The following OASL variants were observed in gnomAD, a reference collection of about 807,000 sequenced individuals.
The protein encoded by OASL is 2'-5'-oligoadenylate synthase-like protein.
Under a neutral mutation model 35.3 loss-of-function variants are expected in OASL, and 28 were observed. The observed-to-expected ratio is 0.79, with a 90% CI of 0.59 to 1.09. The LOEUF is 1.09. Among genes scored for constraint, OASL ranks in the 50% least tolerant of loss-of-function variants. The pLI is 0.00. For missense variants in OASL, 620 were observed against 635.2 expected (o/e 0.98, Z 0.26); for synonymous variants, 252 against 254.6 (o/e 0.99, Z 0.10).
rs746425778 is a variant in OASL at position 121,020,735 on chromosome 12, C to T, written c.1371G>A (p.Leu457=). ...GGTCTTCAATCTGCTGCTTCAGACC[C>T]AGGATGAAGCTGTTGGGGTTGATGG... The change falls in exon 6 of 6, where the codon CTG becomes CTA. Residue 457 remains leucine, a synonymous_variant. Transcript: ENST00000257570. The T allele has an allele frequency of 2.3e-5, 37 of 1,614,042 alleles. 1 individual carries two copies. The South Asian group carries it at 4.1e-4, about 18-fold the overall frequency.
At chr12:121,023,934 A>G in intron 5 of OASL, 56 bp downstream of exon 5, 1 of 1,595,660 alleles carries the variant, frequency 6.3e-7, no homozygotes. Flanking sequence ...AATACTGAGT[A>G]GTTTATCTGT....
intron 1 of OASL, among the ~76,000 whole-genome samples, chr12:121,034,063 G>A (rs780886749): frequency 7.2e-5 from 11 of 152,136 alleles, no homozygotes; most frequent in Non-Finnish European, 1.5e-4. Flanking sequence ...CTACTGGGAG[G>A]ATCAGATGAA....
intron 4 of OASL, among the ~76,000 whole-genome samples, chr12:121,025,013 C>T (rs922760636): frequency 1.7e-5 from 2 of 116,060 alleles, no homozygotes; most frequent in Non-Finnish European, 3.2e-5. Context: ...GAGTCTCGCT[C>T]TGTCGCCCAG....
intron 4 of OASL, among the ~76,000 whole-genome samples, chr12:121,024,970 C>T (rs1234522659): frequency 1.1e-4 from 13 of 115,050 alleles, no homozygotes; most frequent in Non-Finnish European, 1.8e-4. Flanking sequence ...TCCCTAAGTT[C>T]CTTTTTTTTT....
rs998650928 is a variant in OASL at position 121,024,157 on chromosome 12, T to G, written c.900-20A>C. 6.2e-7 allele frequency: 1 copy of G among 1,610,832 alleles called. No individual in the cohort carries two copies. The highest frequency in any genetic ancestry group is 1.3e-5 in the African/African-American group (1 of 74,860). On this transcript the variant is annotated intron_variant, in intron 4 of 5. Transcript: ENST00000257570. ...ATGGGCCTGTAACACAGGAAAAGGGTGCCCAGGCTCATAATGGTTTGAAGG... is the reference window on the plus strand; with the variant it reads ...ATGGGCCTGTAACACAGGAAAAGGGGGCCCAGGCTCATAATGGTTTGAAGG...
chr12:121,018,890 A>G (rs903750894), downstream of OASL, among the ~76,000 whole-genome samples: 4 of 150,932 alleles, frequency 2.7e-5, no homozygotes, highest in Non-Finnish European at 5.9e-5. Context: ...AAAAAAAAAA[A>G]AAGAAGCGAT....
At chr12:121,023,305 T>TTTA (rs1869327342) in intron 5 of OASL, among the ~76,000 whole-genome samples, 2 of 149,612 alleles carry the variant, frequency 1.3e-5, no homozygotes, top group African/African-American at 2.4e-5. Flanking sequence ...CTTTTTTTTT[T>TTTA]GAGGCAGAGT....
intron 4 of OASL, 30 bp from the exon 5 acceptor site, chr12:121,024,167 C>T: frequency 6.2e-7 from 1 of 1,607,548 alleles, no homozygotes; most frequent in South Asian, 1.1e-5. Context: ...TGCCCAGGCT[C>T]ATAATGGTTT....
In OASL at chr12:121,025,111, G is replaced by T. The variant is rs545340966; in HGVS notation, c.900-974C>A. 1.4e-4 allele frequency among the ~76,000 whole-genome samples: 21 copies of T among 151,510 alleles called. No homozygotes were observed. In the East Asian group the frequency reaches 3.9e-3, roughly 28 times the overall value. The stretch of plus-strand genomic sequence containing the variant: ...CTCTGCCTCGGCCTCCTGAGTAGCT[G>T]GGATTACAGGTACCCGCCACCACGC... On this transcript the variant is annotated intron_variant, in intron 4 of 5. Transcript: ENST00000257570.
intron 3 of OASL, among the ~76,000 whole-genome samples, chr12:121,029,303 A>G (rs981103687): frequency 2.0e-5 from 3 of 152,252 alleles, no homozygotes; most frequent in East Asian, 1.9e-4. Context: ...TCATCTCCCA[A>G]ATAAATGAAA....
At chr12:121,028,635 C>A (rs927092948) in intron 3 of OASL, among the ~76,000 whole-genome samples, 6 of 144,174 alleles carry the variant, frequency 4.2e-5, no homozygotes, top group Non-Finnish European at 6.1e-5. Flanking sequence ...CGCCCGCCCC[C>A]CCTACTGTTT....
chr12:121,020,566 T>C (rs1466345930), exon 6 of OASL: 1 of 1,598,686 alleles, frequency 6.3e-7, no homozygotes, highest in South Asian at 1.1e-5. Context: ...GAAAACTAAC[T>C]GGCTGGAAAC....
intron 4 of OASL, among the ~76,000 whole-genome samples, chr12:121,026,550 T>C (rs748827216): frequency 1.2e-4 from 19 of 152,058 alleles, no homozygotes; most frequent in Non-Finnish European, 2.8e-4. Context: ...AGGCGATCTT[T>C]AGGAAAGAGT....
rs181514183 is a variant in OASL, at chr12:121,028,787, G to A, written c.658-970C>T. Among the ~76,000 whole-genome samples the A allele has an allele frequency of 3.9e-3, 591 of 152,212 alleles. 4 individuals carry two copies. The highest frequency in any genetic ancestry group is 0.016 in the South Asian group (75 of 4,824). On this transcript the variant is annotated intron_variant, in intron 3 of 5. Transcript: ENST00000257570. ...CTGTGTTAAGAATCTCACTGAGGCC[G>A]GGCGCAGTGCCTCCCGCCCGTAATC...
intron 3 of OASL, among the ~76,000 whole-genome samples, chr12:121,028,302 C>T (rs1869576165): frequency 6.6e-6 from 1 of 152,142 alleles, no homozygotes; most frequent in Admixed American, 6.6e-5. Flanking sequence ...AAGGGGTTGA[C>T]CCCCACCCGC....
chr12:121,036,624 A>G (rs1409420230), intron 1 of OASL, among the ~76,000 whole-genome samples: 3 of 152,164 alleles, frequency 2.0e-5, no homozygotes, highest in Non-Finnish European at 4.4e-5. Context: ...TCTCTACTAA[A>G]AATGCAAAGA....
At chr12:121,033,040 TC>T (rs1301376424) in intron 2 of OASL, among the ~76,000 whole-genome samples, 1 of 152,102 alleles carries the variant, frequency 6.6e-6, no homozygotes, top group African/African-American at 2.4e-5. Flanking sequence ...ATTCTCTGCC[TC>T]ACCCTCCTGA....
intron 3 of OASL, among the ~76,000 whole-genome samples, chr12:121,028,636 C>CCCCCCCG (rs1869596252): frequency 6.9e-6 from 1 of 145,478 alleles, no homozygotes; most frequent in African/African-American, 2.5e-5. Context: ...GCCCGCCCCC[C>CCCCCCCG]CTACTGTTTA....
At chr12:121,036,376 C>G (rs1048923015) in intron 1 of OASL, among the ~76,000 whole-genome samples, 1 of 152,150 alleles carries the variant, frequency 6.6e-6, no homozygotes, top group Non-Finnish European at 1.5e-5. Flanking sequence ...TATATTATTC[C>G]TCATTAGTCA....
Sources: gnomAD v4.1 joint callset for allele counts (sites outside exome capture counted in the v4.1 genomes callset) on GRCh38, gnomAD v4.1.1 for gene constraint, MANE v1.5 for transcripts, NCBI Gene and HGNC (gene_info 2026-07-23, HGNC 2026-07-21) for gene names.